The following LMTK2 variants were observed in gnomAD, a reference collection of about 807,000 sequenced individuals.
LMTK2 encodes serine/threonine-protein kinase LMTK2.
Under a neutral mutation model 127.5 loss-of-function variants are expected in LMTK2, and 37 were observed. The ratio of observed to expected loss-of-function variants is 0.29; its 90% CI spans 0.22 to 0.38. The LOEUF (loss-of-function observed/expected upper bound fraction) is 0.38, where lower values mean the gene tolerates loss of function less well. LMTK2 is among the 10% of genes least tolerant of loss of function. LMTK2 has a pLI of 1.00. For missense variants in LMTK2, 1,694 were observed against 1,920.3 expected (o/e 0.88, Z 2.20); for synonymous variants, 819 against 810.1 (o/e 1.01, Z -0.19).
chr7:98,194,159 A>T lies in LMTK2; in HGVS notation c.3694A>T (p.Thr1232Ser). The change falls in exon 11 of 14, where the codon ACG (threonine) becomes TCG (serine). Residue 1232 changes from threonine (T) to serine (S), a missense_variant. Physicochemically the swap from Thr to Ser is moderately conservative, Grantham distance 58. Coordinates refer to ENST00000297293, the MANE Select transcript of LMTK2 (RefSeq NM_014916.4). This position sits in a 1 kb window ranked among gnomAD's most constrained non-coding sequence, Gnocchi z 5.4. ...PCTLASTGTN[T>S]NELLAYTNSA... ...CACCCTCGCTTCCACGGGGACCAAC[A>T]CGAACGAACTCCTTGCCTACACCAA... 1.2e-6 allele frequency: 2 copies of T among 1,613,998 alleles called. No homozygotes were observed. The highest frequency in any genetic ancestry group is 1.7e-6 in the Non-Finnish European group (2 of 1,180,022).
At chr7:98,131,402 A>T (rs1305493473) in intron 1 of LMTK2, among the ~76,000 whole-genome samples, 2 of 151,896 alleles carry the variant, frequency 1.3e-5, no homozygotes, top group Admixed American at 1.3e-4. Context: ...ACATTTTCCT[A>T]GGCTTTTCTC....
At chr7:98,110,760 C>T (rs527715091) in intron 1 of LMTK2, among the ~76,000 whole-genome samples, 7 of 152,314 alleles carry the variant, frequency 4.6e-5, no homozygotes, top group African/African-American at 1.7e-4. Context: ...TATTGTTCTG[C>T]AGCATATTAG....
intron 1 of LMTK2, among the ~76,000 whole-genome samples, chr7:98,114,286 G>C (rs574793474): frequency 6.7e-6 from 1 of 150,370 alleles, no homozygotes; most frequent in Non-Finnish European, 1.5e-5. Context: ...TGTCACTCAG[G>C]CTGGAATGCA....
intron 1 of LMTK2, among the ~76,000 whole-genome samples, chr7:98,108,416 A>G (rs1049479056): frequency 1.3e-5 from 2 of 152,248 alleles, no homozygotes; most frequent in Non-Finnish European, 2.9e-5. Flanking sequence ...AAACAAATCT[A>G]CGATGAAAGC....
chr7:98,179,418 C>G (rs970323476), intron 7 of LMTK2, among the ~76,000 whole-genome samples: 10 of 152,202 alleles, frequency 6.6e-5, no homozygotes, highest in Non-Finnish European at 4.4e-5. Context: ...TTCACAGGGT[C>G]TGTTTATAGA....
chr7:98,126,344 G>T (rs1796443445), intron 1 of LMTK2, among the ~76,000 whole-genome samples: 1 of 152,212 alleles, frequency 6.6e-6, no homozygotes, highest in African/African-American at 2.4e-5. Context: ...CTGCAGGGAT[G>T]GTTGTGGGGT....
intron 9 of LMTK2, among the ~76,000 whole-genome samples, chr7:98,188,079 T>C (rs1198857482): frequency 6.6e-6 from 1 of 152,194 alleles, no homozygotes; most frequent in Non-Finnish European, 1.5e-5. Context: ...CTTCAGTGCT[T>C]TAGAACACTA....
chr7:98,109,897 A>G (rs1224699281), intron 1 of LMTK2, among the ~76,000 whole-genome samples: 2 of 152,184 alleles, frequency 1.3e-5, no homozygotes, highest in African/African-American at 4.8e-5. Flanking sequence ...AAAACCTTTA[A>G]GCTAATCCTG....
intron 13 of LMTK2, among the ~76,000 whole-genome samples, chr7:98,204,442 T>G (rs1175790695): frequency 6.6e-6 from 1 of 151,590 alleles, no homozygotes; most frequent in Non-Finnish European, 1.5e-5. Context: ...GGCAACATAG[T>G]GAGACCCCAT....
At chr7:98,190,080 A>G (rs757646659) in intron 9 of LMTK2, among the ~76,000 whole-genome samples, 15 of 151,744 alleles carry the variant, frequency 9.9e-5, no homozygotes, top group Non-Finnish European at 1.6e-4. Context: ...GAACATTCTG[A>G]TGGTCTTTCC....
intron 13 of LMTK2, among the ~76,000 whole-genome samples, chr7:98,204,461 AAAAT>A (rs1428887664): frequency 5.9e-5 from 9 of 152,022 alleles, no homozygotes; most frequent in African/African-American, 2.2e-4. Context: ...ATCTCTAAAA[AAAAT>A]AAAAACTAAA....
intron 6 of LMTK2, among the ~76,000 whole-genome samples, chr7:98,166,664 C>G (rs1797106266): frequency 6.6e-6 from 1 of 152,140 alleles, no homozygotes; most frequent in Non-Finnish European, 1.5e-5. Context: ...TACTTGCCAT[C>G]GTGTTACAGT....
chr7:98,121,228 C>G (rs1170645037), intron 1 of LMTK2, among the ~76,000 whole-genome samples: 6 of 152,190 alleles, frequency 3.9e-5, no homozygotes, highest in Admixed American at 3.9e-4. Context: ...CCAGCCACTT[C>G]TCTGGATATT....
chr7:98,155,964 A>G (rs1334207865), intron 5 of LMTK2, among the ~76,000 whole-genome samples: 2 of 152,196 alleles, frequency 1.3e-5, no homozygotes, highest in African/African-American at 4.8e-5. Flanking sequence ...GCTGGAAACC[A>G]CGTAGCTGAC....
intron 6 of LMTK2, among the ~76,000 whole-genome samples, chr7:98,164,902 T>C (rs886148491): frequency 1.3e-5 from 2 of 152,240 alleles, no homozygotes; most frequent in Admixed American, 6.5e-5. Flanking sequence ...GATGATACTG[T>C]GTTCTTGAAT....
At chr7:98,118,068 A>T (rs1442170167) in intron 1 of LMTK2, among the ~76,000 whole-genome samples, 3 of 152,044 alleles carry the variant, frequency 2.0e-5, no homozygotes. Context: ...CCTGTACCTA[A>T]TCTTTGGGGT....
chr7:98,188,391 A>G (rs928543897), intron 9 of LMTK2, among the ~76,000 whole-genome samples: 2 of 152,170 alleles, frequency 1.3e-5, no homozygotes, highest in African/African-American at 4.8e-5. Flanking sequence ...ATGTCTCATA[A>G]TGATGAATTC....
chr7:98,113,551 G>A (rs184967999), intron 1 of LMTK2, among the ~76,000 whole-genome samples: 11 of 152,180 alleles, frequency 7.2e-5, no homozygotes, highest in Admixed American at 1.3e-4. Context: ...GTGAGCCACC[G>A]CACCTGGCCC....
intron 11 of LMTK2, among the ~76,000 whole-genome samples, chr7:98,199,997 G>A (rs149692846): frequency 5.4e-4 from 82 of 152,046 alleles, no homozygotes; most frequent in African/African-American, 1.8e-3. Flanking sequence ...TTGGATTTAC[G>A]TATACCATTT....
Sources: gnomAD v4.1 joint callset for allele counts (sites outside exome capture counted in the v4.1 genomes callset) on GRCh38, gnomAD v4.1.1 for gene constraint, Gnocchi (gnomAD v3.1) non-coding constraint, MANE v1.5 for transcripts, NCBI Gene and HGNC (gene_info 2026-07-23, HGNC 2026-07-21) for gene names.